The following CREB3L2 variants were observed in gnomAD, a reference collection of about 807,000 sequenced individuals.
CREB3L2 encodes the protein cyclic AMP-responsive element-binding protein 3-like protein 2.
A neutral mutation model predicts 57.2 loss-of-function variants in CREB3L2; 23 were observed. That is an observed-to-expected ratio of 0.40 (90% CI 0.29 to 0.57). The LOEUF is 0.57. Ranked by LOEUF, CREB3L2 falls within the 20% of genes least tolerant of loss-of-function variation. CREB3L2 has a pLI of 0.42. For missense variants in CREB3L2, 628 were observed against 634.7 expected, an observed-to-expected ratio of 0.99 and a Z score of 0.11; for synonymous variants, 268 against 265.1, an observed-to-expected ratio of 1.01 and a Z score of -0.11.
chr7:137,895,395 C>T (rs1266527290), intron 8 of CREB3L2, among the ~76,000 whole-genome samples: 1 of 152,248 alleles, frequency 6.6e-6, no homozygotes, highest in African/African-American at 2.4e-5. Context: ...AACCATCTCA[C>T]TCCCATCTTA....
At position 137,879,592 on chromosome 7, in the gene CREB3L2, G is replaced by C; in HGVS notation, c.*884C>G. 4.1e-6 allele frequency: 1 copy of C among 245,118 alleles called. No individual in the cohort carries two copies. The highest frequency in any genetic ancestry group is 8.0e-6 in the Non-Finnish European group (1 of 125,544). 15.2% of individuals were successfully genotyped at this position (245,118 alleles called of 1,614,324 possible). ...CAGTTAAAAGAAAAAACAAAGGAAAGGAAACAAAACATTGTCTGGAAAGAC... is the reference window on the plus strand; with the variant it reads ...CAGTTAAAAGAAAAAACAAAGGAAACGAAACAAAACATTGTCTGGAAAGAC... On this transcript the variant is annotated 3_prime_UTR_variant, in exon 12 of 12. Transcript: ENST00000330387.
rs1428438137 is a variant in CREB3L2 at position 138,001,269 on chromosome 7, G to A, written c.102+335C>T. ...AAAAAAAATCAATAGCAAACTAGGC[G>A]GAGGCATGTTATTCTCAAAACACAC... On this transcript the variant is annotated intron_variant, in intron 1 of 11. Coordinates refer to ENST00000330387, the MANE Select transcript of CREB3L2 (RefSeq NM_194071.4). The surrounding 1 kb of genome is among the most constrained non-coding windows in gnomAD (Gnocchi z 4.2). Among the ~76,000 whole-genome samples the A allele has an allele frequency of 6.6e-6, 1 of 151,968 alleles. No individual in the cohort carries two copies. The highest frequency in any genetic ancestry group is 1.5e-5 in the Non-Finnish European group (1 of 67,998).
At chr7:137,960,572 T>C (rs999347720) in intron 1 of CREB3L2, among the ~76,000 whole-genome samples, 1 of 152,170 alleles carries the variant, frequency 6.6e-6, no homozygotes, top group African/African-American at 2.4e-5. Context: ...AGTGGGATAT[T>C]AGCCTGGAAG....
intron 1 of CREB3L2, among the ~76,000 whole-genome samples, chr7:137,968,116 A>G (rs1343904102): frequency 1.3e-5 from 2 of 151,902 alleles, no homozygotes; most frequent in Non-Finnish European, 2.9e-5. Context: ...TCTTTCCAAT[A>G]CAACACAGCG....
intron 1 of CREB3L2, among the ~76,000 whole-genome samples, chr7:137,941,463 T>TGA (rs1800878459): frequency 6.6e-6 from 1 of 152,196 alleles, no homozygotes; most frequent in Non-Finnish European, 1.5e-5. Context: ...CTCCTGCATG[T>TGA]TCCTTCCTCT....
intron 1 of CREB3L2, among the ~76,000 whole-genome samples, chr7:137,972,705 A>ACAACAAC (rs1563270085): frequency 2.2e-5 from 1 of 44,556 alleles, no homozygotes; most frequent in Non-Finnish European, 3.8e-5. Context: ...AAAAAAAAAA[A>ACAACAAC]AAAAAAAATA....
intron 11 of CREB3L2, among the ~76,000 whole-genome samples, chr7:137,881,383 A>G (rs1452736817): frequency 2.6e-5 from 4 of 152,200 alleles, no homozygotes; most frequent in African/African-American, 9.7e-5. Context: ...AGCATTTTGC[A>G]TTTTTGGATT....
chr7:137,916,067 G>A (rs924018323), intron 2 of CREB3L2, 55 bp from the exon 3 acceptor site: 8 of 1,440,470 alleles, frequency 5.6e-6, no homozygotes, highest in Admixed American at 2.2e-5. Flanking sequence ...TCAGGCATAA[G>A]CAAAACAAGC....
intron 2 of CREB3L2, 86 bp from the exon 3 acceptor site, chr7:137,916,098 A>G: frequency 2.8e-6 from 3 of 1,081,456 alleles, no homozygotes; most frequent in Non-Finnish European, 4.0e-6. Context: ...CTTTCTCCCC[A>G]AAAAAGCTCA....
At chr7:137,965,252 C>T (rs370888894) in intron 1 of CREB3L2, among the ~76,000 whole-genome samples, 4 of 152,272 alleles carry the variant, frequency 2.6e-5, no homozygotes, top group Admixed American at 1.3e-4. Context: ...AGATTACTTA[C>T]GATTTTTCTA....
At chr7:137,897,466 T>C (rs1799652188) in intron 8 of CREB3L2, among the ~76,000 whole-genome samples, 1 of 152,096 alleles carries the variant, frequency 6.6e-6, no homozygotes, top group African/African-American at 2.4e-5. Flanking sequence ...GCCTCCTAGG[T>C]TCAAGCGATT....
rs920219055 is a variant in CREB3L2 at position 137,956,717 on chromosome 7, G to T, written c.103-28351C>A. The T allele has an allele frequency of 6.2e-5, 68 of 1,098,706 alleles. 1 individual carries two copies. Among genetic ancestry groups the T allele is most frequent in the Non-Finnish European group, 7.4e-5 (60 of 815,312 alleles). The allele number at this position is 1,098,706 out of a possible 1,614,324, so 68.1% of individuals were successfully genotyped here. ...CTTTAACTTGAATTTCACAATCCAG[G>T]TTCTGAATTCTTTGAGTTGGGCAAA... On this transcript the variant is annotated intron_variant, in intron 1 of 11. Transcript: ENST00000330387.
intron 2 of CREB3L2, among the ~76,000 whole-genome samples, chr7:137,926,445 G>A (rs75697220): frequency 0.025 from 3,841 of 152,214 alleles, 68 homozygotes; most frequent in African/African-American, 0.053. Context: ...CATGGATGAC[G>A]CTGGAAACCA....
chr7:137,879,747 AT>A lies in CREB3L2; in HGVS notation c.*728del, dbSNP rs1799247228. On this transcript the variant is annotated 3_prime_UTR_variant, in exon 12 of 12. Coordinates refer to ENST00000330387, the MANE Select transcript of CREB3L2 (RefSeq NM_194071.4). Reference sequence around the variant, plus strand: ...AAGCCTCGGCAAGCTAATAAATACTATTTACAACTGGGGAGGAGAAGCTGGG... The same window carrying A: ...AAGCCTCGGCAAGCTAATAAATACTATTACAACTGGGGAGGAGAAGCTGGG... 4.2e-6 allele frequency: 1 copy of A among 235,656 alleles called. No individual in the cohort carries two copies. The highest frequency in any genetic ancestry group is 8.4e-6 in the Non-Finnish European group (1 of 119,562). 14.6% of individuals were successfully genotyped at this position (235,656 alleles called of 1,614,324 possible).
intron 1 of CREB3L2, among the ~76,000 whole-genome samples, chr7:137,998,535 T>C (rs911713008): frequency 4.6e-5 from 7 of 152,252 alleles, no homozygotes; most frequent in African/African-American, 1.7e-4. Context: ...GATAGGCAAG[T>C]ACTTGCAGGC....
intron 1 of CREB3L2, among the ~76,000 whole-genome samples, chr7:137,944,424 C>T (rs1800931837): frequency 6.6e-6 from 1 of 152,218 alleles, no homozygotes; most frequent in Non-Finnish European, 1.5e-5. Context: ...AAAAACTCTG[C>T]ATGTAGCCTT....
intron 1 of CREB3L2, among the ~76,000 whole-genome samples, chr7:137,972,096 G>C (rs1030429176): frequency 3.3e-5 from 5 of 152,142 alleles, no homozygotes; most frequent in Admixed American, 6.5e-5. Context: ...ATTAACAGCA[G>C]TTTCGGGAGT....
At chr7:137,955,184 G>A in intron 1 of CREB3L2, 1 of 815,360 alleles carries the variant, frequency 1.2e-6, no homozygotes, top group Non-Finnish European at 1.8e-6. Context: ...TTCATCATTA[G>A]AAACCCCCTG....
intron 9 of CREB3L2, 138 bp from the exon 10 acceptor site, chr7:137,885,259 G>T: frequency 8.5e-7 from 1 of 1,179,338 alleles, no homozygotes; most frequent in Non-Finnish European, 1.2e-6. Context: ...TCACCAGAGT[G>T]CCTCACCGAG....
Sources: gnomAD v4.1 joint callset for allele counts (sites outside exome capture counted in the v4.1 genomes callset) on GRCh38, gnomAD v4.1.1 for gene constraint, Gnocchi (gnomAD v3.1) non-coding constraint, MANE v1.5 for transcripts, NCBI Gene and HGNC (gene_info 2026-07-23, HGNC 2026-07-21) for gene names.